The following EXOC6B variants were observed in gnomAD, a reference collection of about 807,000 sequenced individuals.
The protein encoded by EXOC6B is exocyst complex component 6B, also known as SEC15 homolog B.
Under a neutral mutation model 113.5 loss-of-function variants are expected in EXOC6B, and 54 were observed. The ratio of observed to expected loss-of-function variants is 0.48; its 90% CI spans 0.38 to 0.60. EXOC6B has a LOEUF of 0.60. EXOC6B is among the 20% of genes least tolerant of loss of function. EXOC6B has a pLI of 0.00. For missense variants in EXOC6B, 797 were observed against 977.5 expected (o/e 0.82, Z 2.46); for synonymous variants, 357 against 339.0 (o/e 1.05, Z -0.58).
At chr2:72,688,465 C>T (rs1005996916) in intron 6 of EXOC6B, among the ~76,000 whole-genome samples, 1 of 151,916 alleles carries the variant, frequency 6.6e-6, no homozygotes, top group African/African-American at 2.4e-5. Context: ...ATCCTCCTTC[C>T]TGGTGGGCAA....
intron 6 of EXOC6B, among the ~76,000 whole-genome samples, chr2:72,710,270 T>C (rs1679187919): frequency 6.6e-6 from 1 of 152,154 alleles, no homozygotes; most frequent in Non-Finnish European, 1.5e-5. Context: ...AAGGAATAAA[T>C]TATTTCTCTT....
At chr2:72,387,328 TTAGAG>T (rs1288429784) in intron 18 of EXOC6B, among the ~76,000 whole-genome samples, 9 of 152,194 alleles carry the variant, frequency 5.9e-5, no homozygotes, top group African/African-American at 2.2e-4. Context: ...GATTTTGCTA[TTAGAG>T]TAATGTTGGT....
At position 72,718,114 on chromosome 2, in the gene EXOC6B, C is replaced by A. The variant is rs375288217; in HGVS notation, c.658G>T (p.Ala220Ser). Residue 220 changes from alanine (A) to serine (S), a missense_variant, in exon 6 of 22, where the codon GCC (alanine) becomes TCC (serine). Coordinates refer to ENST00000272427, the MANE Select transcript of EXOC6B (RefSeq NM_015189.3). ...AACCCAAGACCTACTTGCTTCATGG[C>A]AGTCTCTCCAATTTTGTCTGAATGT... is the stretch of plus-strand genomic sequence containing the variant. ...RKHSDKIGET[A>S]MKQAQQQRNL... 17 of 1,608,650 alleles carry A rather than the reference C, an allele frequency of 1.1e-5. No homozygotes were observed. The African/African-American group carries it at 2.3e-4, about 22-fold the overall frequency.
intron 19 of EXOC6B, 85 bp downstream of exon 19, chr2:72,379,644 C>A: frequency 1.4e-6 from 2 of 1,391,248 alleles, no homozygotes; most frequent in Non-Finnish European, 9.7e-7. Context: ...GGAACAAGGA[C>A]CCTAAACACC....
intron 8 of EXOC6B, among the ~76,000 whole-genome samples, chr2:72,534,032 ATT>A (rs1316039809): frequency 1.3e-5 from 2 of 152,306 alleles, no homozygotes; most frequent in East Asian, 3.9e-4. Flanking sequence ...AATATTAGAT[ATT>A]CACTATAAAA....
In EXOC6B at chr2:72,499,939, A is replaced by G; in HGVS notation, c.1201T>C (p.Leu401=). ...YCSDPNLVLD[L]KNLIVLFADT... ...GCAAAAAGCACAATGAGGTTCTTCA[A>G]ATCTAACACAAGGTTTGGATCAGAA... The change falls in exon 12 of 22, where the codon TTG becomes CTG. Residue 401 remains leucine (L), a synonymous_variant. Transcript: ENST00000272427. The G allele has an allele frequency of 3.2e-6, 5 of 1,553,442 alleles. No individual in the cohort carries two copies. The highest frequency in any genetic ancestry group is 4.4e-6 in the Non-Finnish European group (5 of 1,147,606).
chr2:72,493,739 G>A (rs1044985490), intron 15 of EXOC6B, among the ~76,000 whole-genome samples: 11 of 151,900 alleles, frequency 7.2e-5, no homozygotes, highest in South Asian at 2.1e-4. Flanking sequence ...AAAGTTTTAC[G>A]TATTCAGAAT....
At chr2:72,653,696 T>A in intron 6 of EXOC6B, among the ~76,000 whole-genome samples, 1 of 146,492 alleles carries the variant, frequency 6.8e-6, no homozygotes, top group African/African-American at 2.7e-5. Context: ...CTAAAAGAGG[T>A]ACAATATTAA....
chr2:72,728,057 A>C (rs1680409190), intron 5 of EXOC6B, among the ~76,000 whole-genome samples: 1 of 152,206 alleles, frequency 6.6e-6, no homozygotes. Context: ...AGACTGGCAA[A>C]AACCAAAAAG....
At chr2:72,265,328 G>A (rs1318577881) in intron 20 of EXOC6B, among the ~76,000 whole-genome samples, 2 of 150,688 alleles carry the variant, frequency 1.3e-5, no homozygotes, top group African/African-American at 4.9e-5. Flanking sequence ...ATGTATACAT[G>A]TGCCATGCTG....
intron 20 of EXOC6B, among the ~76,000 whole-genome samples, chr2:72,328,613 A>G (rs542624021): frequency 6.6e-6 from 1 of 152,134 alleles, no homozygotes; most frequent in Non-Finnish European, 1.5e-5. Flanking sequence ...AGGGAGGTCT[A>G]TATCTATATC....
chr2:72,755,409 C>T (rs1682348701), intron 1 of EXOC6B, among the ~76,000 whole-genome samples: 1 of 152,000 alleles, frequency 6.6e-6, no homozygotes, highest in East Asian at 1.9e-4. Context: ...CCATGAGTTC[C>T]TTGAGAGTTT....
chr2:72,387,367 C>G (rs920059737), intron 18 of EXOC6B, among the ~76,000 whole-genome samples: 9 of 152,006 alleles, frequency 5.9e-5, no homozygotes, highest in Admixed American at 4.6e-4. Context: ...TTTAGAAAAC[C>G]CTTTTGTTTT....
chr2:72,419,568 A>T (rs902580849), intron 18 of EXOC6B, among the ~76,000 whole-genome samples: 2 of 152,172 alleles, frequency 1.3e-5, no homozygotes, highest in Admixed American at 1.3e-4. Flanking sequence ...CAATTTTTCC[A>T]GATATAGAAT....
Position 72,228,277 on chromosome 2 carries a change from T to A in EXOC6B, c.2197-44090A>T, listed in dbSNP as rs146199296. The stretch of plus-strand genomic sequence containing the variant: ...AGAATAAATCTCAGGTTTCTTTTTT[T>A]TTATTATACTTTAAGTTTTAGGGTA... On this transcript the variant is annotated intron_variant, in intron 20 of 21. Transcript: ENST00000272427. 1.9e-3 allele frequency among the ~76,000 whole-genome samples: 284 copies of A among 152,180 alleles called. 2 individuals are homozygous for A. Among genetic ancestry groups the A allele is most frequent in the African/African-American group, 5.9e-3 (246 of 41,506 alleles).
In EXOC6B at chr2:72,193,125, G is replaced by A. The variant is rs149306320; in HGVS notation, c.2197-8938C>T. Among the ~76,000 whole-genome samples the A allele has an allele frequency of 1.1e-3, 160 of 151,902 alleles. 1 individual carries two copies. Among genetic ancestry groups the A allele is most frequent in the African/African-American group, 3.1e-3 (130 of 41,434 alleles). On this transcript the variant is annotated intron_variant, in intron 20 of 21. Coordinates refer to ENST00000272427, the MANE Select transcript of EXOC6B (RefSeq NM_015189.3). Reference sequence around the variant, plus strand: ...CACTGATCCACATCTGCCTTTTTTTGGAGGCAGTAGAGCACAGCAAAAAGA... The same window carrying A: ...CACTGATCCACATCTGCCTTTTTTTAGAGGCAGTAGAGCACAGCAAAAAGA...
At chr2:72,672,201 CAAAAAAAAA>C (rs61678584) in intron 6 of EXOC6B, among the ~76,000 whole-genome samples, 8 of 105,850 alleles carry the variant, frequency 7.6e-5, no homozygotes, top group African/African-American at 2.1e-4. Flanking sequence ...GGTATATATC[CAAAAAAAAA>C]AAAAAAAAAG....
At chr2:72,541,217 A>C (rs915947069) in intron 8 of EXOC6B, among the ~76,000 whole-genome samples, 1 of 152,166 alleles carries the variant, frequency 6.6e-6, no homozygotes, top group East Asian at 1.9e-4. Flanking sequence ...CCATGTAAGA[A>C]GTGCCTTTCA....
chr2:72,213,824 T>A (rs895676501), intron 20 of EXOC6B, among the ~76,000 whole-genome samples: 10 of 152,162 alleles, frequency 6.6e-5, no homozygotes, highest in African/African-American at 2.4e-4. Flanking sequence ...GAAGTTTCCA[T>A]GCCAGAAAGT....
Sources: allele counts gnomAD v4.1 joint callset (sites outside exome capture counted in the v4.1 genomes callset), GRCh38; gene constraint gnomAD v4.1.1; transcripts MANE v1.5; gene names NCBI Gene and HGNC (gene_info 2026-07-23, HGNC 2026-07-21).